Variants in EXOC6B observed in about 807,000 individuals in gnomAD.
EXOC6B encodes SEC15 homolog B.
Under a neutral mutation model 113.5 loss-of-function variants are expected in EXOC6B, and 54 were observed. The ratio of observed to expected loss-of-function variants is 0.48; its 90% CI spans 0.38 to 0.60. EXOC6B has a LOEUF of 0.60. Ranked by LOEUF, EXOC6B falls within the 20% of genes least tolerant of loss-of-function variation. The probability of loss-of-function intolerance (pLI) is 0.00; values close to 1 mark genes in which losing one functional copy is unlikely to be tolerated. For synonymous variants in EXOC6B, 357 were observed against 339.0 expected (o/e 1.05, Z -0.58); for missense variants, 797 against 977.5 (o/e 0.82, Z 2.46).
At chr2:72,378,460 GT>G (rs1046543761) in intron 19 of EXOC6B, among the ~76,000 whole-genome samples, 3 of 152,138 alleles carry the variant, frequency 2.0e-5, no homozygotes, top group African/African-American at 7.2e-5. Context: ...TACCTTATGT[GT>G]TTCCCCTTCT....
intron 15 of EXOC6B, among the ~76,000 whole-genome samples, chr2:72,493,783 T>C (rs886872879): frequency 1.3e-5 from 2 of 152,148 alleles, no homozygotes; most frequent in Admixed American, 1.3e-4. Context: ...ATATGTATAA[T>C]GCTTTTTGGC....
chr2:72,329,909 T>C (rs1001516186), intron 20 of EXOC6B, among the ~76,000 whole-genome samples: 1 of 152,072 alleles, frequency 6.6e-6, no homozygotes, highest in African/African-American at 2.4e-5. Context: ...GGAAATGCAC[T>C]GTGTTTACTT....
chr2:72,460,342 A>C (rs200078411), intron 18 of EXOC6B, among the ~76,000 whole-genome samples: 31 of 152,104 alleles, frequency 2.0e-4, no homozygotes, highest in East Asian at 1.4e-3. Flanking sequence ...GCAACAAAAG[A>C]CAAAATTGAC....
intron 18 of EXOC6B, among the ~76,000 whole-genome samples, chr2:72,432,037 CT>C (rs1367825438): frequency 6.6e-6 from 1 of 151,342 alleles, no homozygotes; most frequent in East Asian, 1.9e-4. Context: ...TCTTTTTTTT[CT>C]TTTTTCTTTT....
intron 1 of EXOC6B, among the ~76,000 whole-genome samples, chr2:72,814,883 C>T (rs1686136630): frequency 6.6e-6 from 1 of 152,054 alleles, no homozygotes; most frequent in South Asian, 2.1e-4. Flanking sequence ...CCCAGCTACT[C>T]CGGAGGCTGA....
chr2:72,292,885 G>A (rs1573194755), intron 20 of EXOC6B, among the ~76,000 whole-genome samples: 1 of 152,094 alleles, frequency 6.6e-6, no homozygotes. Context: ...TTATTGCTGA[G>A]TAGTATTCTA....
chr2:72,733,236 A>G, intron 2 of EXOC6B, 118 bp from the exon 3 acceptor site: 4 of 720,894 alleles, frequency 5.5e-6, no homozygotes, highest in South Asian at 3.2e-5. Context: ...TCAGTACTCC[A>G]CTACATATTG....
chr2:72,718,338 C>G (rs184466497), intron 5 of EXOC6B, 31 bp from the exon 6 acceptor site: 2 of 1,591,240 alleles, frequency 1.3e-6, no homozygotes. Context: ...CTTTAGCTCA[C>G]TCAGTTTTCT....
At chr2:72,659,289 A>T (rs1185427935) in intron 6 of EXOC6B, among the ~76,000 whole-genome samples, 1 of 152,090 alleles carries the variant, frequency 6.6e-6, no homozygotes, top group African/African-American at 2.4e-5. Context: ...CTGTCATGGG[A>T]TCTCTTGCAA....
intron 17 of EXOC6B, among the ~76,000 whole-genome samples, chr2:72,478,157 A>C (rs562840945): frequency 6.6e-6 from 1 of 152,298 alleles, no homozygotes; most frequent in Non-Finnish European, 1.5e-5. Context: ...TCTCTCCCCA[A>C]GAATCTACCA....
rs151175151 is a variant in EXOC6B at position 72,425,669 on chromosome 2, C to T, written c.1980+39491G>A. Among the ~76,000 whole-genome samples, 124 of 152,248 alleles carry T rather than the reference C, an allele frequency of 8.1e-4. No homozygotes were observed. The East Asian group carries it at 0.014, about 17-fold the overall frequency. On this transcript the variant is annotated intron_variant, in intron 18 of 21. Coordinates refer to ENST00000272427, the MANE Select transcript of EXOC6B (RefSeq NM_015189.3). ...CTTTTATTTAAGAATTCCAGTATTA[C>T]ATCCCCTTTTCCTAGTCTGTCTGAT...
chr2:72,718,890 C>A (rs945338222), intron 5 of EXOC6B, among the ~76,000 whole-genome samples: 2 of 151,762 alleles, frequency 1.3e-5, no homozygotes, highest in Non-Finnish European at 2.9e-5. Flanking sequence ...TGTCTCAATG[C>A]CAAAAAAAAA....
chr2:72,770,876 T>C lies in EXOC6B; in HGVS notation c.114-29407A>G, dbSNP rs559034600. Among the ~76,000 whole-genome samples, 14 of 152,200 alleles carry C rather than the reference T, an allele frequency of 9.2e-5. 2 individuals carry two copies. The South Asian group carries it at 2.9e-3, about 32-fold the overall frequency. The stretch of plus-strand genomic sequence containing the variant: ...AGGAACCACAAGAACAAAAATACAA[T>C]TTTTTAAAAATTCAAAGAAAAAAAG... On this transcript the variant is annotated intron_variant, in intron 1 of 21. Transcript: ENST00000272427.
At chr2:72,402,245 G>A (rs1693389941) in intron 18 of EXOC6B, among the ~76,000 whole-genome samples, 1 of 151,908 alleles carries the variant, frequency 6.6e-6, no homozygotes, top group African/African-American at 2.4e-5. Context: ...CATGTTTCTA[G>A]GAATTTGTCG....
intron 20 of EXOC6B, among the ~76,000 whole-genome samples, chr2:72,303,827 A>C (rs937294409): frequency 6.6e-6 from 1 of 152,106 alleles, no homozygotes; most frequent in Non-Finnish European, 1.5e-5. Context: ...TGTTCCTTTA[A>C]CTGCCAGGCT....
chr2:72,409,892 TA>T (rs969984830), intron 18 of EXOC6B, among the ~76,000 whole-genome samples: 7 of 151,906 alleles, frequency 4.6e-5, no homozygotes, highest in Non-Finnish European at 7.4e-5. Flanking sequence ...TGTATACCAA[TA>T]AAAAAAACTT....
intron 6 of EXOC6B, among the ~76,000 whole-genome samples, chr2:72,684,431 T>C (rs899877091): frequency 6.6e-6 from 1 of 152,152 alleles, no homozygotes; most frequent in African/African-American, 2.4e-5. Context: ...GGTTTGGCAG[T>C]ATCTCATAAA....
chr2:72,253,878 C>T (rs985044858), intron 20 of EXOC6B, among the ~76,000 whole-genome samples: 8 of 152,080 alleles, frequency 5.3e-5, no homozygotes, highest in Admixed American at 2.0e-4. Context: ...AAGATATGTT[C>T]GGCTGGGCAC....
At chr2:72,757,161 A>G (rs906490841) in intron 1 of EXOC6B, among the ~76,000 whole-genome samples, 15 of 152,234 alleles carry the variant, frequency 9.9e-5, no homozygotes, top group African/African-American at 3.6e-4. Flanking sequence ...ATAAAATATT[A>G]CTTAAAATGA....
Sources: allele counts gnomAD v4.1 joint callset (sites outside exome capture counted in the v4.1 genomes callset), GRCh38; gene constraint gnomAD v4.1.1; transcripts MANE v1.5; gene names NCBI Gene and HGNC (gene_info 2026-07-23, HGNC 2026-07-21).